SNAPC4: variants seen among roughly 807,000 people sequenced by gnomAD.
The protein encoded by SNAPC4 is snRNA-activating protein complex subunit 4.
In SNAPC4, 127 loss-of-function variants were observed where a neutral mutation model predicts 151.3. The observed-to-expected ratio is 0.84, with a 90% CI of 0.73 to 0.97. The LOEUF is 0.97. SNAPC4 is among the 50% of genes least tolerant of loss of function. The probability of loss-of-function intolerance (pLI) is 0.00; values close to 1 mark genes in which losing one functional copy is unlikely to be tolerated. For synonymous variants in SNAPC4, 1,002 were observed against 824.4 expected (o/e 1.22, Z -3.69); for missense variants, 2,186 against 1,935.0 (o/e 1.13, Z -2.43).
In SNAPC4 at chr9:136,395,291, C is replaced by T. The variant is rs760962828; in HGVS notation, c.471+7G>A. ...TTGCCGACAAGAGCAGGGCCTCGGC[C>T]ACTCACCACGCCCGTGACCTTGTCC... On this transcript the variant is annotated splice_region_variant and intron_variant, in intron 5 of 23. Transcript: ENST00000684778. 9 of 1,612,208 alleles carry T rather than the reference C, an allele frequency of 5.6e-6. No individual in the cohort carries two copies. The highest frequency in any genetic ancestry group is 7.6e-6 in the Non-Finnish European group (9 of 1,179,270).
chr9:136,377,298 G>C (rs1054857075), intron 22 of SNAPC4, among the ~76,000 whole-genome samples: 5 of 152,202 alleles, frequency 3.3e-5, no homozygotes, highest in Non-Finnish European at 5.9e-5. Flanking sequence ...GATGGCCGGA[G>C]GCTCCTGCAC....
chr9:136,394,498 C>G (rs1028760509), intron 6 of SNAPC4, among the ~76,000 whole-genome samples, 168 bp from the exon 7 acceptor site: 14 of 152,230 alleles, frequency 9.2e-5, no homozygotes, highest in Non-Finnish European at 2.1e-4. Context: ...GAGCTCCACC[C>G]GAGGCCTGGC....
intron 10 of SNAPC4, among the ~76,000 whole-genome samples, chr9:136,389,006 G>A (rs756274036): frequency 6.6e-6 from 1 of 152,168 alleles, no homozygotes; most frequent in Non-Finnish European, 1.5e-5. Flanking sequence ...TCGAGCTCTA[G>A]AGTATCTCTC....
chr9:136,390,389 A>G (rs2131497766), intron 10 of SNAPC4, among the ~76,000 whole-genome samples: 1 of 152,024 alleles, frequency 6.6e-6, no homozygotes, highest in South Asian at 2.1e-4. Flanking sequence ...CCCCGTCTCT[A>G]CTAAAAATAC....
rs1015408788 is a variant in SNAPC4, at chr9:136,383,085, G to A, written c.1983+101C>T. 2.1e-6 allele frequency: 3 copies of A among 1,451,114 alleles called. No individual in the cohort carries two copies. Among genetic ancestry groups the A allele is most frequent in the South Asian group, 1.5e-5 (1 of 68,340 alleles). 89.9% of individuals were successfully genotyped at this position (1,451,114 alleles called of 1,614,324 possible). On this transcript the variant is annotated intron_variant, in intron 16 of 23. Transcript: ENST00000684778. The surrounding 1 kb of genome is among the most constrained non-coding windows in gnomAD (Gnocchi z 4.2). The stretch of plus-strand genomic sequence containing the variant: ...AGAAGTAGCACGTTCTGATGCACAC[G>A]AACCCTGGGGCCCCTGCTGCTGCAC...
chr9:136,390,091 GAA>G (rs1162785352), intron 10 of SNAPC4, among the ~76,000 whole-genome samples: 14 of 152,120 alleles, frequency 9.2e-5, no homozygotes, highest in Admixed American at 9.2e-4. Context: ...AGAGTGGAAG[GAA>G]AAGAGGCCAC....
At position 136,385,712 on chromosome 9, in the gene SNAPC4, T is replaced by C. The variant is rs902280918; in HGVS notation, c.1326-898A>G. 7.2e-5 allele frequency among the ~76,000 whole-genome samples: 11 copies of C among 152,086 alleles called. No individual in the cohort carries two copies. The East Asian group carries it at 9.7e-4, about 13-fold the overall frequency. ...CTGGGATTACAGGTGCCCACCACCA[T>C]GTGTGGCTAGTTTTTGTATTTTTAG... is the stretch of plus-strand genomic sequence containing the variant. On this transcript the variant is annotated intron_variant, in intron 13 of 23. Coordinates refer to ENST00000684778, the MANE Select transcript of SNAPC4 (RefSeq NM_003086.4).
At chr9:136,395,830 G>A (rs574029525) in intron 3 of SNAPC4, 60 bp from the exon 4 acceptor site, 22 of 1,526,536 alleles carry the variant, frequency 1.4e-5, no homozygotes, top group Admixed American at 5.4e-5. Flanking sequence ...CCCTGTCCTC[G>A]GCAGCCAGTC....
chr9:136,381,696 G>A (rs1833697798), intron 18 of SNAPC4, 128 bp downstream of exon 18: 9 of 1,181,344 alleles, frequency 7.6e-6, no homozygotes, highest in African/African-American at 6.1e-5. Flanking sequence ...ACCAGAGGTG[G>A]CGCCCACCCC....
intron 11 of SNAPC4, among the ~76,000 whole-genome samples, 198 bp downstream of exon 11, chr9:136,388,246 A>G (rs1384805625): frequency 6.6e-6 from 1 of 150,866 alleles, no homozygotes; most frequent in Non-Finnish European, 1.5e-5. Flanking sequence ...CATCCTGGGC[A>G]ACAAGAGTGA....
chr9:136,376,670 G>A (rs925276889), intron 22 of SNAPC4, among the ~76,000 whole-genome samples, 189 bp from the exon 23 acceptor site: 2 of 152,130 alleles, frequency 1.3e-5, no homozygotes, highest in African/African-American at 4.8e-5. Flanking sequence ...TCCCTCGGGG[G>A]CTCTGACCCC....
chr9:136,377,316 A>G (rs1833484249), intron 22 of SNAPC4, among the ~76,000 whole-genome samples: 1 of 152,196 alleles, frequency 6.6e-6, no homozygotes, highest in African/African-American at 2.4e-5. Flanking sequence ...CACGAGAATG[A>G]GGCCTCTCTT....
intron 20 of SNAPC4, 137 bp from the exon 21 acceptor site, chr9:136,380,001 C>T (rs762839705): frequency 4.0e-5 from 56 of 1,402,948 alleles, no homozygotes; most frequent in Admixed American, 3.1e-4. Context: ...GCCTCCCACA[C>T]GCCTCTGTAG....
chr9:136,378,347 G>A lies in SNAPC4; in HGVS notation c.3480C>T (p.Leu1160=), dbSNP rs746756898. The A allele has an allele frequency of 1.9e-6, 3 of 1,608,734 alleles. No individual in the cohort carries two copies. Among genetic ancestry groups the A allele is most frequent in the Non-Finnish European group, 2.5e-6 (3 of 1,178,352 alleles). The part of the protein sequence containing the change: ...TDTPAPPTHA[L]SQSPAEADGS... ...CATCCGCTTCTGCAGGACTTTGGGA[G>A]AGGGCGTGTGTGGGAGGAGCTGGGG... Residue 1160 remains leucine (L), a synonymous_variant, in exon 22 of 24, where the codon CTC becomes CTT. Coordinates refer to ENST00000684778, the MANE Select transcript of SNAPC4 (RefSeq NM_003086.4).
At position 136,379,033 on chromosome 9, in the gene SNAPC4, G is replaced by A. The variant is rs150618384; in HGVS notation, c.2794C>T (p.Pro932Ser). Reference protein sequence around the residue: ...LVSSSVILQPPLPHTPHGRPA... With the variant: ...LVSSSVILQPSLPHTPHGRPA... ...CGGCCGTGTGGGGTGTGTGGTAGAG[G>A]GGGCTGGAGGATCACAGACGAGGAG... Residue 932 changes from proline (P) to serine (S), a missense_variant, in exon 22 of 24, where the codon CCT (proline) becomes TCT (serine). By Grantham distance (74) the Pro-to-Ser change is moderately conservative. Coordinates refer to ENST00000684778, the MANE Select transcript of SNAPC4 (RefSeq NM_003086.4). 12 of 1,598,256 alleles carry A rather than the reference G, an allele frequency of 7.5e-6. No individual in the cohort carries two copies. In the Admixed American group the frequency reaches 1.2e-4, roughly 16 times the overall value.
In SNAPC4 at chr9:136,378,659, C is replaced by A; in HGVS notation, c.3168G>T (p.Gln1056His). Residue 1056 changes from glutamine (Q) to histidine (H), a missense_variant, in exon 22 of 24, where the codon CAG becomes CAT. Coordinates refer to ENST00000684778, the MANE Select transcript of SNAPC4 (RefSeq NM_003086.4). ...AAPSPTPLPV[Q>H]PLSLTHIGGP... ...CTCCTATGTGCGTCAGGCTGAGGGG[C>A]TGGACGGGCAGTGGGGTGGGGCTGG... 6.6e-7 allele frequency: 1 copy of A among 1,504,628 alleles called. No homozygotes were observed. The highest frequency in any genetic ancestry group is 8.9e-7 in the Non-Finnish European group (1 of 1,128,380). 93.2% of individuals were successfully genotyped at this position (1,504,628 alleles called of 1,614,324 possible). A position where few individuals can be genotyped will look rare whatever the true frequency, so the allele number is the denominator to read the frequency against.
rs374062635 is a variant in SNAPC4 at position 136,378,517 on chromosome 9, C to T, written c.3310G>A (p.Gly1104Ser). The T allele has an allele frequency of 6.3e-7, 1 of 1,592,242 alleles. No individual in the cohort carries two copies. ...VSLPRPAGTP[G>S]PAGLLATLLP... The stretch of plus-strand genomic sequence containing the variant: ...AGAGTGGCCAGCAGCCCTGCGGGGC[C>T]AGGGGTCCCTGCTGGCCTGGGAAGG... The change falls in exon 22 of 24, where the codon GGC becomes AGC. Residue 1104 changes from glycine (G) to serine (S), a missense_variant. Coordinates refer to ENST00000684778, the MANE Select transcript of SNAPC4 (RefSeq NM_003086.4).
At chr9:136,390,217 C>G (rs765084023) in intron 10 of SNAPC4, among the ~76,000 whole-genome samples, 5 of 152,116 alleles carry the variant, frequency 3.3e-5, no homozygotes, top group Non-Finnish European at 5.9e-5. Context: ...CTGCACGCTG[C>G]TTTCATGAAA....
In SNAPC4 at chr9:136,379,241, C is replaced by A. The variant is rs779512175; in HGVS notation, c.2586G>T (p.Gly862=). ...CCCGGCTGGACGCCAGTCTTCGGCT[C>A]CCTTTGTGGCTGGCACTCTTTGAGG... The part of the protein sequence containing the change: ...QEASKSASHK[G]SRRLASSRVE... The change falls in exon 22 of 24, where the codon GGG becomes GGT. Residue 862 remains glycine, a synonymous_variant. Coordinates refer to ENST00000684778, the MANE Select transcript of SNAPC4 (RefSeq NM_003086.4). 68 of 1,612,538 alleles carry A rather than the reference C, an allele frequency of 4.2e-5. No homozygotes were observed. Among genetic ancestry groups the A allele is most frequent in the Non-Finnish European group, 4.8e-5 (57 of 1,179,950 alleles).
Sources: gnomAD v4.1 joint callset for allele counts (sites outside exome capture counted in the v4.1 genomes callset) on GRCh38, gnomAD v4.1.1 for gene constraint, Gnocchi (gnomAD v3.1) non-coding constraint, MANE v1.5 for transcripts, NCBI Gene and HGNC (gene_info 2026-07-23, HGNC 2026-07-21) for gene names.